Variants in FBXW10B observed in about 807,000 individuals in gnomAD.
FBXW10B encodes the protein F-box and WD repeat domain containing protein 10B.
At chr17:15,583,729 G>A in the FBXW10B span, among the ~76,000 whole-genome samples, 2 of 151,854 alleles carry the variant, frequency 1.3e-5, no homozygotes, top group African/African-American at 4.9e-5. Context: ...GAGACTCTGG[G>A]TTAAACTGAT....
At chr17:15,593,414 G>C in the FBXW10B span, 1 of 1,614,136 alleles carries the variant, frequency 6.2e-7, no homozygotes, top group Non-Finnish European at 8.5e-7. Context: ...AGTTCCCATT[G>C]AAGAAATTGT....
chr17:15,607,781 C>T, the FBXW10B span: 3 of 1,135,770 alleles, frequency 2.6e-6, no homozygotes, highest in East Asian at 2.6e-5. Flanking sequence ...ACAGGGCTCA[C>T]AGATTCTTCC....
At chr17:15,576,252 T>C in the FBXW10B span, among the ~76,000 whole-genome samples, 1 of 152,242 alleles carries the variant, frequency 6.6e-6, no homozygotes, top group African/African-American at 2.4e-5. Flanking sequence ...CAAGGCCTAC[T>C]GTTTCTTTTA....
the FBXW10B span, chr17:15,588,854 C>T: frequency 1.9e-6 from 3 of 1,613,964 alleles, no homozygotes; most frequent in East Asian, 2.2e-5. Context: ...TTTTCCAGCC[C>T]GTTGCTAGCT....
At chr17:15,605,157 C>T in the FBXW10B span, 4 of 1,578,260 alleles carry the variant, frequency 2.5e-6, no homozygotes, top group Admixed American at 7.3e-5. Context: ...AGCATGCACA[C>T]TTCTTCCATG....
the FBXW10B span, among the ~76,000 whole-genome samples, chr17:15,602,863 G>A: frequency 1.6e-5 from 2 of 121,374 alleles, no homozygotes; most frequent in Non-Finnish European, 3.3e-5. Flanking sequence ...TCCTGACCTC[G>A]TGATCCGCCC....
chr17:15,569,455 C>CTTTTTTTTTTTTT, the FBXW10B span, among the ~76,000 whole-genome samples: 47 of 59,186 alleles, frequency 7.9e-4, no homozygotes, highest in Non-Finnish European at 9.2e-4. Context: ...TTTTCTTTTT[C>CTTTTTTTTTTTTT]TTTTTTTTTT....
the FBXW10B span, among the ~76,000 whole-genome samples, chr17:15,580,396 C>T: frequency 6.6e-6 from 1 of 151,834 alleles, no homozygotes; most frequent in Non-Finnish European, 1.5e-5. Context: ...AAGGCCATTA[C>T]AGCTACTGTT....
the FBXW10B span, among the ~76,000 whole-genome samples, chr17:15,583,798 G>A: frequency 5.9e-5 from 9 of 152,122 alleles, no homozygotes; most frequent in Non-Finnish European, 1.2e-4. Flanking sequence ...CTTGCTTTGA[G>A]TCTCAGTTTC....
the FBXW10B span, among the ~76,000 whole-genome samples, chr17:15,583,114 C>T: frequency 6.1e-5 from 9 of 148,380 alleles, no homozygotes; most frequent in Admixed American, 2.1e-4. Context: ...ATCTGGAAGA[C>T]TTCACTGAGT....
chr17:15,587,655 C>T, the FBXW10B span, among the ~76,000 whole-genome samples: 2 of 152,010 alleles, frequency 1.3e-5, no homozygotes, highest in East Asian at 3.9e-4. Flanking sequence ...AGTCTTTTTC[C>T]TAGAAGGGCC....
the FBXW10B span, among the ~76,000 whole-genome samples, chr17:15,606,579 A>ATG: frequency 2.6e-3 from 369 of 144,454 alleles, 1 homozygote; most frequent in African/African-American, 9.4e-3. Flanking sequence ...CTACATATAT[A>ATG]TGTGTGTGTG....
chr17:15,619,425 C>A, the FBXW10B span: 1 of 1,613,950 alleles, frequency 6.2e-7, no homozygotes, highest in Non-Finnish European at 8.5e-7. Flanking sequence ...ACACGCGTCT[C>A]ACACTTCCGG....
chr17:15,587,697 T>C, the FBXW10B span, among the ~76,000 whole-genome samples: 4 of 151,996 alleles, frequency 2.6e-5, no homozygotes, highest in East Asian at 3.9e-4. Context: ...TCTCCTGCCA[T>C]AGGAACACTG....
chr17:15,576,670 A>T, the FBXW10B span, among the ~76,000 whole-genome samples: 1 of 152,158 alleles, frequency 6.6e-6, no homozygotes, highest in Non-Finnish European at 1.5e-5. Context: ...AGTTTTTCCA[A>T]CTTAATGGAT....
At chr17:15,612,477 G>A in the FBXW10B span, among the ~76,000 whole-genome samples, 4 of 151,920 alleles carry the variant, frequency 2.6e-5, no homozygotes, top group Admixed American at 1.3e-4. Context: ...CTGTGCCACT[G>A]CACTCCAGCC....
At chr17:15,574,052 G>C in the FBXW10B span, 208 of 683,856 alleles carry the variant, frequency 3.0e-4, 3 homozygotes, top group South Asian at 2.4e-3. Context: ...CACGCTGCTG[G>C]GAGAGGAATG....
At chr17:15,586,786 T>A in the FBXW10B span, among the ~76,000 whole-genome samples, 119,332 of 151,124 alleles carry the variant, frequency 0.79, 47,994 homozygotes, top group Non-Finnish European at 0.86. Flanking sequence ...GAAAGTAATT[T>A]ATTTGATGCA....
the FBXW10B span, among the ~76,000 whole-genome samples, chr17:15,603,751 C>G: frequency 2.1e-5 from 3 of 144,046 alleles, no homozygotes; most frequent in Non-Finnish European, 3.0e-5. Flanking sequence ...AGACCCGTCT[C>G]TGGCAGCATT....
Sources: allele counts gnomAD v4.1 joint callset (sites outside exome capture counted in the v4.1 genomes callset), GRCh38; gene constraint gnomAD v4.1.1; transcripts MANE v1.5; gene names NCBI Gene and HGNC (gene_info 2026-07-23, HGNC 2026-07-21).